The following MAP3K20 variants were observed in gnomAD, a reference collection of about 807,000 sequenced individuals.
MAP3K20 encodes the protein mitogen-activated protein kinase kinase kinase 20.
MAP3K20 carries 40 observed loss-of-function variants against 85.7 expected under a neutral mutation model. The ratio of observed to expected loss-of-function variants is 0.47; its 90% confidence interval spans 0.36 to 0.61. MAP3K20 has a LOEUF of 0.61. Ranked by LOEUF, MAP3K20 falls within the 20% of genes least tolerant of loss-of-function variation. The pLI is 0.00. For missense variants in MAP3K20, 817 were observed against 961.7 expected (o/e 0.85, Z 1.99); for synonymous variants, 325 against 327.7 (o/e 0.99, Z 0.09).
intron 11 of MAP3K20, chr2:173,221,188 T>C: frequency 6.4e-7 from 1 of 1,572,482 alleles, no homozygotes; most frequent in Non-Finnish European, 8.7e-7. Context: ...CTGAGGAGTC[T>C]TACTTTGAAT....
At chr2:173,255,475 A>C (rs978739763) in intron 16 of MAP3K20, among the ~76,000 whole-genome samples, 1 of 152,216 alleles carries the variant, frequency 6.6e-6, no homozygotes, top group African/African-American at 2.4e-5. Context: ...TCATTCGTCT[A>C]AAGGGAAAAT....
At chr2:173,226,996 G>C in intron 11 of MAP3K20, 1 of 985,732 alleles carries the variant, frequency 1.0e-6, no homozygotes, top group Non-Finnish European at 1.2e-6. Context: ...TTCAGTTACT[G>C]ATTTTATAGT....
chr2:173,243,770 C>T (rs1184529228), intron 16 of MAP3K20, among the ~76,000 whole-genome samples: 1 of 152,064 alleles, frequency 6.6e-6, no homozygotes, highest in Non-Finnish European at 1.5e-5. Flanking sequence ...ACTACAGGCT[C>T]CCGCCACCAC....
chr2:173,194,195 T>G (rs2106279063), intron 7 of MAP3K20, among the ~76,000 whole-genome samples: 1 of 152,296 alleles, frequency 6.6e-6, no homozygotes. Flanking sequence ...CAGAATTCCA[T>G]TCAGAAAAGT....
chr2:173,246,875 G>A (rs981279780), intron 16 of MAP3K20, among the ~76,000 whole-genome samples: 5 of 152,148 alleles, frequency 3.3e-5, no homozygotes, highest in Non-Finnish European at 7.3e-5. Context: ...ACCTATGAGT[G>A]GGTCCTTAAA....
rs1052930097 is a variant in MAP3K20 at position 173,164,044 on chromosome 2, C to G, written c.160-5761C>G. ...GTGCAATCTCGGCTCACTGCAACCT[C>G]CGCCTCCCAGGTTTAAACGATTCTC... On this transcript the variant is annotated intron_variant, in intron 2 of 19. Transcript: ENST00000375213. Among the ~76,000 whole-genome samples the G allele has an allele frequency of 1.3e-5, 2 of 151,934 alleles. 1 individual carries two copies. The highest frequency in any genetic ancestry group is 6.3e-3 in the Middle Eastern group (2 of 316).
chr2:173,256,546 C>G (rs1435099319), intron 16 of MAP3K20, among the ~76,000 whole-genome samples: 1 of 151,784 alleles, frequency 6.6e-6, no homozygotes, highest in Non-Finnish European at 1.5e-5. Flanking sequence ...GACAGACAGA[C>G]AGATAGAGAG....
At chr2:173,140,281 A>ATTAC (rs1248782520) in intron 2 of MAP3K20, among the ~76,000 whole-genome samples, 6 of 152,078 alleles carry the variant, frequency 3.9e-5, no homozygotes, top group African/African-American at 1.4e-4. Flanking sequence ...AAGTGCTGGG[A>ATTAC]TTACAGGCAT....
At chr2:173,227,246 A>G in intron 11 of MAP3K20, 1 of 590,076 alleles carries the variant, frequency 1.7e-6, no homozygotes, top group Non-Finnish European at 2.1e-6. Context: ...AACAAGTGTT[A>G]GCTTTTCTCT....
intron 2 of MAP3K20, among the ~76,000 whole-genome samples, chr2:173,128,300 C>T (rs925827678): frequency 7.5e-5 from 8 of 107,270 alleles, no homozygotes; most frequent in Non-Finnish European, 1.0e-4. Context: ...ATATGGAAAA[C>T]ATTATAGTTG....
chr2:173,222,834 A>G, intron 11 of MAP3K20: 3 of 985,426 alleles, frequency 3.0e-6, no homozygotes, highest in Non-Finnish European at 3.6e-6. Flanking sequence ...AGCCAAGGAT[A>G]TTCTCAGAAT....
At chr2:173,101,591 A>T (rs150798906) in intron 2 of MAP3K20, among the ~76,000 whole-genome samples, 191 of 152,368 alleles carry the variant, frequency 1.3e-3, no homozygotes, top group African/African-American at 4.2e-3. Flanking sequence ...TGCTATTAGA[A>T]GAAAAATAGT....
intron 3 of MAP3K20, among the ~76,000 whole-genome samples, chr2:173,181,936 G>T (rs894912690): frequency 3.3e-4 from 49 of 150,396 alleles, no homozygotes; most frequent in African/African-American, 1.1e-3. Context: ...TGTGCCTGTA[G>T]TCCCAGCTAC....
chr2:173,096,778 G>A (rs1382648030), intron 2 of MAP3K20, among the ~76,000 whole-genome samples: 1 of 152,118 alleles, frequency 6.6e-6, no homozygotes, highest in Admixed American at 6.5e-5. Context: ...AGTTTAGCTT[G>A]TTTACATTAT....
At chr2:173,081,724 T>C (rs906310245) in intron 1 of MAP3K20, among the ~76,000 whole-genome samples, 2 of 152,198 alleles carry the variant, frequency 1.3e-5, no homozygotes, top group Non-Finnish European at 2.9e-5. Context: ...AATCGTTTCC[T>C]TTATTTCCAT....
intron 2 of MAP3K20, among the ~76,000 whole-genome samples, chr2:173,102,510 A>G (rs1687665266): frequency 6.6e-6 from 1 of 152,182 alleles, no homozygotes; most frequent in African/African-American, 2.4e-5. Context: ...ACCTGAGAAA[A>G]ATTAAGGTGT....
At chr2:173,141,977 AG>A (rs1207011860) in intron 2 of MAP3K20, among the ~76,000 whole-genome samples, 1 of 152,278 alleles carries the variant, frequency 6.6e-6, no homozygotes, top group Non-Finnish European at 1.5e-5. Flanking sequence ...CACTTAAAAT[AG>A]TCTTCAAAAC....
Position 173,263,734 on chromosome 2 carries a change from T to G in MAP3K20, c.1552-11T>G. 1 of 1,602,952 alleles carries G rather than the reference T, an allele frequency of 6.2e-7. No homozygotes were observed. Among genetic ancestry groups the G allele is most frequent in the Non-Finnish European group, 8.5e-7 (1 of 1,177,334 alleles). ...CTTTTTTTTGTCTTTTTCGTTTGTT[T>G]GTTTTACCAGAGTGATGTTAGAACT... On this transcript the variant is annotated splice_polypyrimidine_tract_variant and intron_variant, in intron 18 of 19. Transcript: ENST00000375213.
chr2:173,240,626 A>G (rs1484105280), intron 16 of MAP3K20, among the ~76,000 whole-genome samples: 1 of 152,214 alleles, frequency 6.6e-6, no homozygotes, highest in African/African-American at 2.4e-5. Context: ...CAAAACCACA[A>G]TGAGATATCA....
Sources: gnomAD v4.1 joint callset for allele counts (sites outside exome capture counted in the v4.1 genomes callset) on GRCh38, gnomAD v4.1.1 for gene constraint, MANE v1.5 for transcripts, NCBI Gene and HGNC (gene_info 2026-07-23, HGNC 2026-07-21) for gene names.